GPR89A: variants seen among roughly 807,000 people sequenced by gnomAD.
GPR89A encodes G protein-coupled receptor 89A.
GPR89A carries 16 observed loss-of-function variants against 52.0 expected under a neutral mutation model. That is an observed-to-expected ratio of 0.31 (90% confidence interval 0.21 to 0.47). The LOEUF (loss-of-function observed/expected upper bound fraction) is 0.47, where lower values mean the gene tolerates loss of function less well. GPR89A is among the 20% of genes least tolerant of loss of function. The probability of loss-of-function intolerance (pLI) is 1.00; values close to 1 mark genes in which losing one functional copy is unlikely to be tolerated. For missense variants in GPR89A, 135 were observed against 449.4 expected, an observed-to-expected ratio of 0.30 and a Z score of 6.33; for synonymous variants, 55 against 150.9, an observed-to-expected ratio of 0.36 and a Z score of 4.66.
chr1:145,667,435 A>G (rs1422450944), intron 12 of GPR89A, among the ~76,000 whole-genome samples: 1 of 151,632 alleles, frequency 6.6e-6, no homozygotes, highest in Non-Finnish European at 1.5e-5. Context: ...TTTTTCTTGT[A>G]AATTTGTTTG....
intron 10 of GPR89A, among the ~76,000 whole-genome samples, chr1:145,657,348 A>G (rs4970864): frequency 0.08 from 10,680 of 132,882 alleles, 438 homozygotes; most frequent in Admixed American, 0.12. Context: ...CTATTATCAC[A>G]CCGCTGCACT....
At position 145,661,027 on chromosome 1, in the gene GPR89A, T is replaced by C. The variant is rs1309841033; in HGVS notation, c.910-2302T>C. On this transcript the variant is annotated intron_variant, in intron 10 of 13. Transcript: ENST00000313835. ...CACACGTATGTTTATTGTGGCACTATTGACAATAGCAAAGACTTGGAACCA... is the reference window on the plus strand; with the variant it reads ...CACACGTATGTTTATTGTGGCACTACTGACAATAGCAAAGACTTGGAACCA... Among the ~76,000 whole-genome samples the C allele has an allele frequency of 5.3e-5, 8 of 149,984 alleles. No homozygotes were observed. In the East Asian group the frequency reaches 1.4e-3, roughly 26 times the overall value.
At chr1:145,648,779 C>T (rs1338981448) in intron 10 of GPR89A, among the ~76,000 whole-genome samples, 6 of 144,074 alleles carry the variant, frequency 4.2e-5, no homozygotes, top group Non-Finnish European at 6.0e-5. Context: ...TCATCACACC[C>T]GGCCTAGGGA....
At chr1:145,650,987 CTTTAG>C (rs1288884241) in intron 10 of GPR89A, among the ~76,000 whole-genome samples, 3 of 151,242 alleles carry the variant, frequency 2.0e-5, no homozygotes, top group African/African-American at 4.8e-5. Context: ...TGCAGAAGCT[CTTTAG>C]TTTAATTAGA....
intron 10 of GPR89A, among the ~76,000 whole-genome samples, chr1:145,657,450 CATA>C (rs1291367815): frequency 6.7e-6 from 1 of 150,158 alleles, no homozygotes; most frequent in African/African-American, 2.5e-5. Context: ...TTTCTTTTCT[CATA>C]ATGTCTTTAT....
At chr1:145,646,969 A>G in intron 9 of GPR89A, 4 of 644,864 alleles carry the variant, frequency 6.2e-6, no homozygotes, top group Non-Finnish European at 1.1e-5. Flanking sequence ...TAAGTGGATA[A>G]TGCATGTAAG....
intron 10 of GPR89A, among the ~76,000 whole-genome samples, chr1:145,656,658 C>G (rs1651827739): frequency 1.3e-5 from 2 of 152,164 alleles, no homozygotes; most frequent in South Asian, 4.1e-4. Context: ...TTTCCCCATC[C>G]TTCCTTCCTT....
chr1:145,663,930 G>A (rs1382397974), intron 11 of GPR89A, among the ~76,000 whole-genome samples: 1 of 150,544 alleles, frequency 6.6e-6, no homozygotes, highest in East Asian at 1.9e-4. Flanking sequence ...GATGGTAACT[G>A]TCACCTATGC....
At chr1:145,647,090 A>G (rs1207679787) in intron 9 of GPR89A, 85 bp from the exon 10 acceptor site, 2 of 1,525,768 alleles carry the variant, frequency 1.3e-6, no homozygotes, top group African/African-American at 1.4e-5. Flanking sequence ...TAGCCTGAAC[A>G]GTGATTCATA....
intron 7 of GPR89A, among the ~76,000 whole-genome samples, chr1:145,636,171 A>T (rs1553690712): frequency 6.6e-6 from 1 of 152,146 alleles, no homozygotes; most frequent in South Asian, 2.1e-4. Context: ...CAGCCTCCCA[A>T]CGTGACCCCG....
intron 1 of GPR89A, among the ~76,000 whole-genome samples, chr1:145,610,356 A>G (rs1300826931): frequency 6.6e-6 from 1 of 152,052 alleles, no homozygotes; most frequent in Non-Finnish European, 1.5e-5. Flanking sequence ...CAGGTCCCTT[A>G]TTGATGGGAC....
At chr1:145,616,637 A>G (rs1408486018) in intron 2 of GPR89A, among the ~76,000 whole-genome samples, 1 of 151,104 alleles carries the variant, frequency 6.6e-6, no homozygotes, top group Non-Finnish European at 1.5e-5. Flanking sequence ...TGCAAACCTT[A>G]TATTATAAGT....
chr1:145,661,597 T>C (rs1353390473), intron 10 of GPR89A, among the ~76,000 whole-genome samples: 2 of 143,872 alleles, frequency 1.4e-5, no homozygotes, highest in African/African-American at 5.1e-5. Context: ...ATTGGTTTTG[T>C]TGAACTTTTC....
chr1:145,670,174 A>G lies in GPR89A; in HGVS notation c.*134A>G. 2 of 1,582,826 alleles carry G rather than the reference A, an allele frequency of 1.3e-6. No individual in the cohort carries two copies. The highest frequency in any genetic ancestry group is 1.7e-6 in the Non-Finnish European group (2 of 1,166,038). ...TGGTAGCATTTTTCACCTTCATAGC[A>G]TACTCCTTCCCCGTCAGGTGATACT... On this transcript the variant is annotated 3_prime_UTR_variant, in exon 14 of 14. Transcript: ENST00000313835.
intron 12 of GPR89A, among the ~76,000 whole-genome samples, chr1:145,668,349 C>T (rs1370913472): frequency 6.6e-6 from 1 of 152,116 alleles, no homozygotes; most frequent in Non-Finnish European, 1.5e-5. Context: ...AATGGGCGTT[C>T]ACTCATGATT....
chr1:145,629,101 A>AC (rs1408165127), intron 5 of GPR89A, among the ~76,000 whole-genome samples: 8 of 152,058 alleles, frequency 5.3e-5, no homozygotes, highest in African/African-American at 1.7e-4. Flanking sequence ...GGCTTTGCTT[A>AC]CCCCCCTGGC....
At chr1:145,668,318 A>T (rs1209747174) in intron 12 of GPR89A, among the ~76,000 whole-genome samples, 1 of 152,068 alleles carries the variant, frequency 6.6e-6, no homozygotes, top group Non-Finnish European at 1.5e-5. Flanking sequence ...TAGGTATTTT[A>T]TTCTCTTTGA....
intron 1 of GPR89A, among the ~76,000 whole-genome samples, chr1:145,609,934 C>G (rs1648132305): frequency 6.6e-6 from 1 of 152,150 alleles, no homozygotes. Context: ...TGACACCCTG[C>G]CCACAACCAA....
chr1:145,656,638 A>G (rs1347633402), intron 10 of GPR89A, among the ~76,000 whole-genome samples: 1 of 152,078 alleles, frequency 6.6e-6, no homozygotes, highest in Non-Finnish European at 1.5e-5. Context: ...TGTTTTAATT[A>G]AGTTGTTCCT....
Sources: gnomAD v4.1 joint callset for allele counts (sites outside exome capture counted in the v4.1 genomes callset) on GRCh38, gnomAD v4.1.1 for gene constraint, MANE v1.5 for transcripts, NCBI Gene and HGNC (gene_info 2026-07-23, HGNC 2026-07-21) for gene names.